The following PIP5K1B variants were observed in gnomAD, a reference collection of about 807,000 sequenced individuals.
PIP5K1B encodes the protein phosphatidylinositol 4-phosphate 5-kinase type-1 beta.
A neutral mutation model predicts 67.0 loss-of-function variants in PIP5K1B; 42 were observed. The ratio of observed to expected loss-of-function variants is 0.63; its 90% CI spans 0.49 to 0.81. The LOEUF is 0.81. Ranked by LOEUF, PIP5K1B falls within the 30% of genes least tolerant of loss-of-function variation. PIP5K1B has a pLI of 0.00. For missense variants in PIP5K1B, 459 were observed against 646.3 expected (o/e 0.71, Z 3.14); for synonymous variants, 214 against 231.4 (o/e 0.92, Z 0.68).
intron 8 of PIP5K1B, among the ~76,000 whole-genome samples, chr9:68,895,497 G>A (rs1213786792): frequency 1.3e-5 from 2 of 152,100 alleles, no homozygotes; most frequent in Non-Finnish European, 2.9e-5. Flanking sequence ...GATGACCCAT[G>A]TTGTTATAGG....
In PIP5K1B at chr9:68,851,742, T is replaced by C. The variant is rs903193509; in HGVS notation, c.70-12095T>C. 5.3e-5 allele frequency among the ~76,000 whole-genome samples: 8 copies of C among 152,172 alleles called. No homozygotes were observed. In the East Asian group the frequency reaches 1.5e-3, roughly 29 times the overall value. ...GCAAGTTTAAGTGGGACAGTTTGGC[T>C]AAAGTGGTGGATTTGCATAGAGGCA... On this transcript the variant is annotated intron_variant, in intron 4 of 15. Coordinates refer to ENST00000265382, the MANE Select transcript of PIP5K1B (RefSeq NM_003558.4).
At chr9:68,870,614 C>T (rs1011331789) in intron 5 of PIP5K1B, among the ~76,000 whole-genome samples, 8 of 152,246 alleles carry the variant, frequency 5.3e-5, no homozygotes, top group East Asian at 3.9e-4. Context: ...CTGCTGTGTA[C>T]GAAGGTCCAA....
chr9:68,774,365 T>C (rs1323236045), intron 2 of PIP5K1B, among the ~76,000 whole-genome samples: 4 of 152,198 alleles, frequency 2.6e-5, no homozygotes, highest in African/African-American at 9.6e-5. Context: ...CCACTGATAC[T>C]GTTGTGTGTC....
At chr9:68,993,706 C>T (rs1830478687) in intron 15 of PIP5K1B, among the ~76,000 whole-genome samples, 1 of 152,178 alleles carries the variant, frequency 6.6e-6, no homozygotes, top group African/African-American at 2.4e-5. Flanking sequence ...ATCAGGAAAG[C>T]CTTTCAGAAA....
rs939360784 is a variant in PIP5K1B, at chr9:68,838,071, GT to G, written c.69+15398del. ...GGTTTTTTGTTATTAATGTTTTGAG[GT>G]TTTTTTTTTCTTTTGCGCATGGGAT... On this transcript the variant is annotated intron_variant, in intron 4 of 15. Transcript: ENST00000265382. Among the ~76,000 whole-genome samples, 58 of 145,756 alleles carry G rather than the reference GT, an allele frequency of 4.0e-4. No homozygotes were observed. In the East Asian group the frequency reaches 7.4e-3, roughly 18 times the overall value.
intron 3 of PIP5K1B, among the ~76,000 whole-genome samples, chr9:68,818,991 CA>C (rs549298198): frequency 2.2e-3 from 338 of 152,186 alleles, no homozygotes; most frequent in African/African-American, 7.9e-3. Context: ...ATTATAACTT[CA>C]AAAAAAATTT....
chr9:68,908,024 G>A (rs528509127), intron 8 of PIP5K1B, among the ~76,000 whole-genome samples: 1 of 152,260 alleles, frequency 6.6e-6, no homozygotes, highest in Admixed American at 6.5e-5. Context: ...CAGTGGTGAG[G>A]GTTCCAGAAT....
chr9:68,988,687 A>G (rs535319096), intron 14 of PIP5K1B, among the ~76,000 whole-genome samples: 5 of 152,212 alleles, frequency 3.3e-5, no homozygotes, highest in Admixed American at 1.3e-4. Context: ...CTGACCTCAG[A>G]TGATCTGCCC....
chr9:68,863,829 C>A lies in PIP5K1B; in HGVS notation c.70-8C>A, dbSNP rs763270937. 1 of 1,613,004 alleles carries A rather than the reference C, an allele frequency of 6.2e-7. No homozygotes were observed. The highest frequency in any genetic ancestry group is 8.5e-7 in the Non-Finnish European group (1 of 1,179,406). The stretch of plus-strand genomic sequence containing the variant: ...AGACTAATGTTGAGACCCTTGTTTT[C>A]TTTGCAGACTGCATCATCTGCTATT... On this transcript the variant is annotated splice_polypyrimidine_tract_variant and splice_region_variant and intron_variant, in intron 4 of 15. Transcript: ENST00000265382.
chr9:68,754,122 C>T (rs1829786013), intron 2 of PIP5K1B, among the ~76,000 whole-genome samples: 2 of 148,680 alleles, frequency 1.3e-5, no homozygotes. Flanking sequence ...TAACATTCAG[C>T]AGGATGGTGA....
chr9:68,795,425 C>A lies in PIP5K1B; in HGVS notation c.-85-23036C>A, dbSNP rs1043708746. ...CTGGTAACTTGAATAAATGGAAACC[C>A]GAAGAATATATGTAATATATGGAAT... On this transcript the variant is annotated intron_variant, in intron 2 of 15. Coordinates refer to ENST00000265382, the MANE Select transcript of PIP5K1B (RefSeq NM_003558.4). Among the ~76,000 whole-genome samples, 3 of 151,928 alleles carry A rather than the reference C, an allele frequency of 2.0e-5. No individual in the cohort carries two copies. The South Asian group carries it at 6.2e-4, about 32-fold the overall frequency.
At chr9:68,907,292 G>T (rs1390208997) in intron 8 of PIP5K1B, among the ~76,000 whole-genome samples, 1 of 152,126 alleles carries the variant, frequency 6.6e-6, no homozygotes, top group Admixed American at 6.6e-5. Context: ...TGAGAACATT[G>T]CCACAGGCCT....
At chr9:68,792,491 TG>T (rs1587458994) in intron 2 of PIP5K1B, among the ~76,000 whole-genome samples, 2 of 152,096 alleles carry the variant, frequency 1.3e-5, no homozygotes, top group East Asian at 3.9e-4. Context: ...TTTGTTTGTT[TG>T]TTTTTGAGAC....
Position 68,894,566 on chromosome 9 carries a change from C to T in PIP5K1B, c.699C>T (p.Asp233=). 6.2e-7 allele frequency: 1 copy of T among 1,614,148 alleles called. No individual in the cohort carries two copies. The highest frequency in any genetic ancestry group is 8.5e-7 in the Non-Finnish European group (1 of 1,179,996). The change falls in exon 8 of 16, where the codon GAC becomes GAT. Residue 233 remains aspartate, a synonymous_variant. Coordinates refer to ENST00000265382, the MANE Select transcript of PIP5K1B (RefSeq NM_003558.4). ...PTFKDLDFLQ[D]MHEGLYFDTE... is the part of the protein sequence containing the mutation. ...TTAAGGACTTAGATTTCCTGCAAGA[C>T]ATGCACGAAGGGTTGTATTTTGATA...
chr9:68,722,546 C>T (rs981456033), intron 1 of PIP5K1B, among the ~76,000 whole-genome samples: 9 of 151,954 alleles, frequency 5.9e-5, no homozygotes, highest in African/African-American at 2.2e-4. Flanking sequence ...CTAGCTGCTC[C>T]TGCTACTTTT....
chr9:68,864,637 T>C (rs1228818561), intron 5 of PIP5K1B, among the ~76,000 whole-genome samples: 2 of 152,212 alleles, frequency 1.3e-5, no homozygotes, highest in Non-Finnish European at 2.9e-5. Context: ...ACATAGTAAA[T>C]TTTATGTTGA....
chr9:68,769,075 T>G (rs973327253), intron 2 of PIP5K1B, among the ~76,000 whole-genome samples: 1 of 152,248 alleles, frequency 6.6e-6, no homozygotes, highest in African/African-American at 2.4e-5. Flanking sequence ...TTATTCCCAG[T>G]AATGCATCCC....
intron 14 of PIP5K1B, among the ~76,000 whole-genome samples, chr9:68,974,022 C>A (rs1437908802): frequency 6.6e-6 from 1 of 152,152 alleles, no homozygotes; most frequent in South Asian, 2.1e-4. Context: ...GAACTACAGG[C>A]GTGTGCCACC....
intron 2 of PIP5K1B, among the ~76,000 whole-genome samples, chr9:68,747,824 C>T (rs1326583737): frequency 6.6e-6 from 1 of 152,140 alleles, no homozygotes; most frequent in Non-Finnish European, 1.5e-5. Flanking sequence ...ATTTGATCCA[C>T]AGTATGGTTT....
Sources: allele counts gnomAD v4.1 joint callset (sites outside exome capture counted in the v4.1 genomes callset), GRCh38; gene constraint gnomAD v4.1.1; transcripts MANE v1.5; gene names NCBI Gene and HGNC (gene_info 2026-07-23, HGNC 2026-07-21).